The following PRG4 variants were observed in gnomAD, a reference collection of about 807,000 sequenced individuals.
PRG4 encodes the protein articular superficial zone protein.
A neutral mutation model predicts 91.2 loss-of-function variants in PRG4; 61 were observed. The observed-to-expected ratio is 0.67, with a 90% CI of 0.54 to 0.83. PRG4 has a LOEUF of 0.83. Among genes scored for constraint, PRG4 ranks in the 40% least tolerant of loss-of-function variants. The probability of loss-of-function intolerance (pLI) is 0.00; values close to 1 mark genes in which losing one functional copy is unlikely to be tolerated. For synonymous variants in PRG4, 576 were observed against 614.2 expected, an observed-to-expected ratio of 0.94 and a Z score of 0.92; for missense variants, 1,564 against 1,714.2, an observed-to-expected ratio of 0.91 and a Z score of 1.55.
intron 6 of PRG4, among the ~76,000 whole-genome samples, chr1:186,306,031 TTA>T (rs1656532455): frequency 1.3e-5 from 2 of 152,106 alleles, no homozygotes; most frequent in East Asian, 3.8e-4. Flanking sequence ...AACAGATGAA[TTA>T]GTGTTATTTA....
chr1:186,302,048 G>A (rs1052695736), intron 4 of PRG4, among the ~76,000 whole-genome samples: 1 of 152,068 alleles, frequency 6.6e-6, no homozygotes, highest in Middle Eastern at 3.2e-3. Context: ...ATGATTTCTT[G>A]TCTCACCCTT....
chr1:186,301,972 A>G (rs1341456340), intron 4 of PRG4, among the ~76,000 whole-genome samples: 1 of 152,110 alleles, frequency 6.6e-6, no homozygotes, highest in African/African-American at 2.4e-5. Context: ...GGCTGAATGT[A>G]TATGTCTTTT....
rs534202903 is a variant in PRG4 at position 186,307,432 on chromosome 1, C to T, written c.1713C>T (p.Thr571=). ...CCACTCCCAAGGAGCCTGCACCCAC[C>T]ACCCCCAAGAAGCCTGCCCCAACTA... The part of the protein sequence containing the change: ...APTTPKEPAP[T]TPKKPAPTTP... The change falls in exon 7 of 13, where the codon ACC becomes ACT. Residue 571 remains threonine (T), a synonymous_variant. Transcript: ENST00000445192. 51 of 1,573,322 alleles carry T rather than the reference C, an allele frequency of 3.2e-5. No homozygotes were observed. Among genetic ancestry groups the T allele is most frequent in the African/African-American group, 4.3e-5 (3 of 69,792 alleles).
In PRG4 at chr1:186,314,053, AAT is replaced by A. The variant is rs1657481107; in HGVS notation, c.*280_*281del. On this transcript the variant is annotated 3_prime_UTR_variant, in exon 13 of 13. Transcript: ENST00000445192. ...TGTAAAAGAAAAAAGAATCAAATTG[AAT>A]ATATCTTTTAAGAATTCAAAACTAG... is the stretch of plus-strand genomic sequence containing the variant. The A allele has an allele frequency of 1.9e-6, 3 of 1,600,420 alleles. No homozygotes were observed. The African/African-American group carries it at 4.0e-5, about 21-fold the overall frequency.
In PRG4 at chr1:186,313,851, A is replaced by G; in HGVS notation, c.*73A>G. 1.4e-6 allele frequency: 2 copies of G among 1,480,442 alleles called. No homozygotes were observed. The highest frequency in any genetic ancestry group is 1.9e-6 in the Non-Finnish European group (2 of 1,059,444). 91.7% of individuals were successfully genotyped at this position (1,480,442 alleles called of 1,614,324 possible). ...TTTTGACACTGAAAAACATTTTATT[A>G]ATAAAGAATATTGACATGAGTATAC... On this transcript the variant is annotated 3_prime_UTR_variant, in exon 13 of 13. Coordinates refer to ENST00000445192, the MANE Select transcript of PRG4 (RefSeq NM_005807.6).
intron 6 of PRG4, 68 bp from the exon 7 acceptor site, chr1:186,306,250 G>T: frequency 3.3e-6 from 4 of 1,219,612 alleles, no homozygotes; most frequent in Non-Finnish European, 4.6e-6. Flanking sequence ...GATAAAGATG[G>T]GATCTTTATG....
At position 186,297,916 on chromosome 1, in the gene PRG4, T is replaced by G. The variant is rs968408760; in HGVS notation, c.76+965T>G. Among the ~76,000 whole-genome samples, 3 of 152,182 alleles carry G rather than the reference T, an allele frequency of 2.0e-5. No individual in the cohort carries two copies. The East Asian group carries it at 5.8e-4, about 29-fold the overall frequency. On this transcript the variant is annotated intron_variant, in intron 2 of 12. Coordinates refer to ENST00000445192, the MANE Select transcript of PRG4 (RefSeq NM_005807.6). ...CATGAAAGCAAATGTGAATATTCAA[T>G]AAGAATGATGACTACTCCAGTATCT...
Position 186,310,669 on chromosome 1 carries a change from A to AT in PRG4, c.3500-352dup, listed in dbSNP as rs56847815. 2.1e-3 allele frequency among the ~76,000 whole-genome samples: 276 copies of AT among 131,478 alleles called. 2 individuals are homozygous for AT. Among genetic ancestry groups the AT allele is most frequent in the East Asian group, 4.1e-3 (19 of 4,624 alleles). The allele number at this position is 131,478 out of a possible 152,430, so 86.3% of individuals were successfully genotyped here. On this transcript the variant is annotated intron_variant, in intron 8 of 12. Transcript: ENST00000445192. ...GGCTAATTTTTGTATTTTTTTTTGT[A>AT]TTTTTTTTTTTTTGTAGAGACAGGG...
In PRG4 at chr1:186,301,055, G is replaced by C. The variant is rs565242757; in HGVS notation, c.200-537G>C. On this transcript the variant is annotated intron_variant, in intron 3 of 12. Transcript: ENST00000445192. ...TAACATAGTCCACACTGTAAGATTA[G>C]GCTGAAAGCTTTCAACTATACACCT... is the stretch of plus-strand genomic sequence containing the variant. Among the ~76,000 whole-genome samples, 39 of 152,168 alleles carry C rather than the reference G, an allele frequency of 2.6e-4. 1 individual carries two copies. The highest frequency in any genetic ancestry group is 8.2e-4 in the African/African-American group (34 of 41,506).
chr1:186,313,764 T>C lies in PRG4; in HGVS notation c.4201T>C (p.Tyr1401His). 6.2e-7 allele frequency: 1 copy of C among 1,603,638 alleles called. No individual in the cohort carries two copies. The highest frequency in any genetic ancestry group is 8.5e-7 in the Non-Finnish European group (1 of 1,170,582). ...TGGGCAGACCTTATCCAAAGTCTGG[T>C]ACAACTGTCCTTAGACTGATGAGCA... ...RSGQTLSKVW[Y>H]NCP Residue 1401 changes from tyrosine (Y) to histidine (H), a missense_variant, in exon 13 of 13, where the codon TAC (tyrosine) becomes CAC (histidine). Tyr to His is a moderately conservative substitution (Grantham distance 83). Transcript: ENST00000445192.
Position 186,308,358 on chromosome 1 carries a change from T to C in PRG4, c.2639T>C (p.Leu880Pro). ...AGCCCTGATGAATCAACTCCTGAGC[T>C]TTCTGCAGAACCCACACCAAAAGCT... ...HKSPDESTPE[L>P]SAEPTPKALE... Residue 880 changes from leucine (L) to proline (P), a missense_variant, in exon 7 of 13, where the codon CTT becomes CCT. Coordinates refer to ENST00000445192, the MANE Select transcript of PRG4 (RefSeq NM_005807.6). 6.2e-7 allele frequency: 1 copy of C among 1,613,934 alleles called. No homozygotes were observed. Among genetic ancestry groups the C allele is most frequent in the East Asian group, 2.2e-5 (1 of 44,880 alleles).
Position 186,309,934 on chromosome 1 carries a change from G to A in PRG4, c.3499+64G>A. On this transcript the variant is annotated intron_variant, in intron 8 of 12. Transcript: ENST00000445192. ...TGTTTTGGCATTTATGAGAACCAAA[G>A]CCGTGGAAGAGTGCTAGTTTGGGTT... The A allele has an allele frequency of 2.1e-6, 3 of 1,396,620 alleles. No individual in the cohort carries two copies. In the South Asian group the frequency reaches 3.5e-5, roughly 16 times the overall value. The allele number at this position is 1,396,620 out of a possible 1,614,324, so 86.5% of individuals were successfully genotyped here.
intron 10 of PRG4, 37 bp from the exon 11 acceptor site, chr1:186,312,138 A>AT: frequency 6.3e-7 from 1 of 1,587,680 alleles, no homozygotes; most frequent in Non-Finnish European, 8.6e-7. Flanking sequence ...ATTAAAATTA[A>AT]TTTTCATTTT....
At chr1:186,299,577 T>C (rs1656069656) in intron 2 of PRG4, among the ~76,000 whole-genome samples, 1 of 152,230 alleles carries the variant, frequency 6.6e-6, no homozygotes, top group Admixed American at 6.5e-5. Flanking sequence ...TGGGAGGTAT[T>C]AATTAACCTA....
At chr1:186,312,510 A>G in intron 11 of PRG4, 138 bp downstream of exon 11, 2 of 928,396 alleles carry the variant, frequency 2.2e-6, no homozygotes, top group Non-Finnish European at 3.2e-6. Flanking sequence ...AAACTCATCC[A>G]CTTGCCTTAG....
rs377217704 is a variant in PRG4, at chr1:186,307,476, C to T, written c.1757C>T (p.Pro586Leu). The change falls in exon 7 of 13, where the codon CCC (proline) becomes CTC (leucine). Residue 586 changes from proline (P) to leucine (L), a missense_variant. Pro to Leu is a moderately conservative substitution (Grantham distance 98, BLOSUM62 -3). This residue lies in a region of PRG4 where 1,079 missense variants were observed against 1,162.2 expected (regional missense o/e 0.93). Coordinates refer to ENST00000445192, the MANE Select transcript of PRG4 (RefSeq NM_005807.6). The stretch of plus-strand genomic sequence containing the variant: ...CCAACTACCCCCAAGGAGCCTGCAC[C>T]CACCACTCCCAAGGAACCTGCACCC... ...PAPTTPKEPAPTTPKEPAPTT... is the reference protein window; with the variant it reads ...PAPTTPKEPALTTPKEPAPTT... 3.4e-5 allele frequency: 54 copies of T among 1,577,508 alleles called. No homozygotes were observed. The highest frequency in any genetic ancestry group is 4.4e-5 in the Non-Finnish European group (51 of 1,160,798).
At position 186,307,968 on chromosome 1, in the gene PRG4, C is replaced by T; in HGVS notation, c.2249C>T (p.Ala750Val). The T allele has an allele frequency of 6.2e-7, 1 of 1,609,228 alleles. No individual in the cohort carries two copies. Among genetic ancestry groups the T allele is most frequent in the Non-Finnish European group, 8.5e-7 (1 of 1,178,808 alleles). The change falls in exon 7 of 13, where the codon GCT becomes GTT. Residue 750 changes from alanine (A) to valine (V), a missense_variant. By Grantham distance (64) the Ala-to-Val change is moderately conservative (BLOSUM62 0). Coordinates refer to ENST00000445192, the MANE Select transcript of PRG4 (RefSeq NM_005807.6). ...ACATCCACCACCTCTGACAAGCCCG[C>T]TCCAACTACCCCTAAGGGGACTGCT... ...EPTSTTSDKP[A>V]PTTPKGTAPT...
chr1:186,300,399 A>G (rs1325904784), intron 3 of PRG4, among the ~76,000 whole-genome samples, 186 bp downstream of exon 3: 1 of 152,182 alleles, frequency 6.6e-6, no homozygotes, highest in Non-Finnish European at 1.5e-5. Context: ...GTTGCAGCGC[A>G]TTGTACCTAA....
chr1:186,308,594 C>A lies in PRG4; in HGVS notation c.2875C>A (p.Gln959Lys). The stretch of plus-strand genomic sequence containing the variant: ...ATCCAAAATAACAGCTACAACCACA[C>A]AAGTAACATCTACCACAACTCAAGA... ...TESKITATTT[Q>K]VTSTTTQDTT... Residue 959 changes from glutamine to lysine, a missense_variant, in exon 7 of 13, where the codon CAA becomes AAA. Transcript: ENST00000445192. 1.9e-6 allele frequency: 3 copies of A among 1,613,526 alleles called. No individual in the cohort carries two copies. Among genetic ancestry groups the A allele is most frequent in the Non-Finnish European group, 2.5e-6 (3 of 1,179,970 alleles).
Sources: allele counts gnomAD v4.1 joint callset (sites outside exome capture counted in the v4.1 genomes callset), GRCh38; gene constraint gnomAD v4.1.1; regional missense constraint gnomAD v4.1.1; transcripts MANE v1.5; gene names NCBI Gene and HGNC (gene_info 2026-07-23, HGNC 2026-07-21).